The following NXPE3 variants were observed in gnomAD, a reference collection of about 807,000 sequenced individuals.
The protein encoded by NXPE3 is neurexophilin and PC-esterase domain family member 3.
A neutral mutation model predicts 46.1 loss-of-function variants in NXPE3; 26 were observed. The ratio of observed to expected loss-of-function variants is 0.56; its 90% CI spans 0.41 to 0.78. The LOEUF (loss-of-function observed/expected upper bound fraction) is 0.78, where lower values mean the gene tolerates loss of function less well. Among genes scored for constraint, NXPE3 ranks in the 30% least tolerant of loss-of-function variants. The pLI is 0.00. For missense variants in NXPE3, 620 were observed against 686.0 expected (o/e 0.90, Z 1.07); for synonymous variants, 272 against 257.9 (o/e 1.05, Z -0.52).
Position 101,822,047 on chromosome 3 carries a change from T to C in NXPE3, c.*93T>C. The C allele has an allele frequency of 9.1e-7, 1 of 1,096,832 alleles. No individual in the cohort carries two copies. The highest frequency in any genetic ancestry group is 2.4e-5 in the East Asian group (1 of 41,796). The allele number at this position is 1,096,832 out of a possible 1,614,324, so 67.9% of individuals were successfully genotyped here. On this transcript the variant is annotated 3_prime_UTR_variant, in exon 8 of 8. Coordinates refer to ENST00000273347, the MANE Select transcript of NXPE3 (RefSeq NM_145037.4). ...TGGCCCCAGTGAGAGATGACTGCCC[T>C]TAATAAGTATAAAATTTCAAAAAGA...
At position 101,827,033 on chromosome 3, in the gene NXPE3, C is replaced by CAATAAATA. The variant is rs911016648; in HGVS notation, c.*5094_*5101dup. On this transcript the variant is annotated 3_prime_UTR_variant, in exon 8 of 8. Coordinates refer to ENST00000273347, the MANE Select transcript of NXPE3 (RefSeq NM_145037.4). ...GGGCAACGAGAGTGAAACTCTGTCTCAATAAATAAATAAATAAATAAAAAA... is the reference window on the plus strand; with the variant it reads ...GGGCAACGAGAGTGAAACTCTGTCTCAATAAATAAATAAATAAATAAATAAATAAAAAA... 2 of 151,678 alleles carry CAATAAATA rather than the reference C, an allele frequency of 1.3e-5. No individual in the cohort carries two copies. The highest frequency in any genetic ancestry group is 2.9e-5 in the Non-Finnish European group (2 of 67,960). The allele number at this position is 151,678 out of a possible 1,614,324, so 9.4% of individuals were successfully genotyped here.
At chr3:101,802,075 A>T in intron 5 of NXPE3, 86 bp downstream of exon 5, 3 of 1,327,076 alleles carry the variant, frequency 2.3e-6, no homozygotes, top group Non-Finnish European at 3.1e-6. Context: ...GGTATTCGGT[A>T]TGTGTTTCTT....
At chr3:101,804,983 A>G (rs939236847) in intron 5 of NXPE3, among the ~76,000 whole-genome samples, 12 of 152,250 alleles carry the variant, frequency 7.9e-5, no homozygotes, top group Admixed American at 2.6e-4. Context: ...CATTGCAGGA[A>G]TAATAACAAT....
At chr3:101,808,830 T>TATATATATA (rs1941560342) in intron 6 of NXPE3, among the ~76,000 whole-genome samples, 1 of 104,272 alleles carries the variant, frequency 9.6e-6, no homozygotes, top group African/African-American at 4.1e-5. Flanking sequence ...TATATATATA[T>TATATATATA]ATATATATAT....
At chr3:101,819,228 A>G (rs1178750151) in intron 7 of NXPE3, among the ~76,000 whole-genome samples, 2 of 152,204 alleles carry the variant, frequency 1.3e-5, no homozygotes, top group Admixed American at 6.5e-5. Flanking sequence ...TGGATTGTCA[A>G]CATTTACTTA....
At chr3:101,793,960 C>G (rs1431333377) in intron 4 of NXPE3, among the ~76,000 whole-genome samples, 1 of 152,040 alleles carries the variant, frequency 6.6e-6, no homozygotes, top group Non-Finnish European at 1.5e-5. Flanking sequence ...CGGGGCTCCT[C>G]TTCCTGTGCT....
chr3:101,819,099 A>G (rs2107355454), intron 7 of NXPE3, among the ~76,000 whole-genome samples: 1 of 152,130 alleles, frequency 6.6e-6, no homozygotes, highest in East Asian at 1.9e-4. Context: ...TACTTTTTCA[A>G]AATTGACCGT....
At position 101,827,476 on chromosome 3, in the gene NXPE3, A is replaced by G. The variant is rs1942544031; in HGVS notation, c.*5522A>G. 6.6e-6 allele frequency: 1 copy of G among 152,140 alleles called. No individual in the cohort carries two copies. Among genetic ancestry groups the G allele is most frequent in the South Asian group, 2.1e-4 (1 of 4,826 alleles). 9.4% of individuals were successfully genotyped at this position (152,140 alleles called of 1,614,324 possible). A position where few individuals can be genotyped will look rare whatever the true frequency, so the allele number is the denominator to read the frequency against. ...CACATGATTGCGATACTACTTTTTG[A>G]TTGCCGTATTGTAAAAGCTATATGG... On this transcript the variant is annotated 3_prime_UTR_variant, in exon 8 of 8. Transcript: ENST00000273347.
chr3:101,821,797 T>G lies in NXPE3; in HGVS notation c.1523T>G (p.Ile508Ser). ...SDWYNFQLDT[I>S]LRRMFSGVGV... is the part of the protein sequence containing the mutation. ...TGGTACAACTTTCAGCTGGACACCA[T>G]CCTTCGGAGGATGTTCTCAGGGGTT... Residue 508 changes from isoleucine to serine, a missense_variant, in exon 8 of 8, where the codon ATC becomes AGC. By Grantham distance (142) the Ile-to-Ser change is moderately radical. Transcript: ENST00000273347. The G allele has an allele frequency of 3.7e-6, 6 of 1,614,146 alleles. No homozygotes were observed. The highest frequency in any genetic ancestry group is 5.1e-6 in the Non-Finnish European group (6 of 1,180,018).
In NXPE3 at chr3:101,823,422, T is replaced by C. The variant is rs1942345104; in HGVS notation, c.*1468T>C. ...ATATATTAAAATAGTTTAATTTTAATGGTCCTTACGCTTTACAGTACCTAA... is the reference window on the plus strand; with the variant it reads ...ATATATTAAAATAGTTTAATTTTAACGGTCCTTACGCTTTACAGTACCTAA... On this transcript the variant is annotated 3_prime_UTR_variant, in exon 8 of 8. Transcript: ENST00000273347. 2 of 152,196 alleles carry C rather than the reference T, an allele frequency of 1.3e-5. No homozygotes were observed. The highest frequency in any genetic ancestry group is 4.8e-5 in the African/African-American group (2 of 41,422). The allele number at this position is 152,196 out of a possible 1,614,324, so 9.4% of individuals were successfully genotyped here.
chr3:101,781,908 T>C (rs1271470311), intron 1 of NXPE3: 1 of 152,228 alleles, frequency 6.6e-6, no homozygotes, highest in Non-Finnish European at 1.5e-5. Context: ...ATTTACCATG[T>C]TGAAGTTCAT....
Position 101,783,060 on chromosome 3 carries a change from A to G in NXPE3, c.-196+280A>G, listed in dbSNP as rs553022654. Among the ~76,000 whole-genome samples, 7 of 152,108 alleles carry G rather than the reference A, an allele frequency of 4.6e-5. No individual in the cohort carries two copies. In the East Asian group the frequency reaches 9.7e-4, roughly 21 times the overall value. Reference sequence around the variant, plus strand: ...GTGACAACTATTAAAATTTTAATATATATCTTTTCTTTTTTTTTTGAGACG... The same window carrying G: ...GTGACAACTATTAAAATTTTAATATGTATCTTTTCTTTTTTTTTTGAGACG... On this transcript the variant is annotated intron_variant, in intron 3 of 7. Coordinates refer to ENST00000273347, the MANE Select transcript of NXPE3 (RefSeq NM_145037.4).
At chr3:101,808,610 T>G (rs945349393) in intron 6 of NXPE3, among the ~76,000 whole-genome samples, 1 of 151,814 alleles carries the variant, frequency 6.6e-6, no homozygotes, top group Non-Finnish European at 1.5e-5. Context: ...AACTGTGATA[T>G]CTCCATATTT....
At chr3:101,819,360 A>G (rs999515250) in intron 7 of NXPE3, among the ~76,000 whole-genome samples, 2 of 152,200 alleles carry the variant, frequency 1.3e-5, no homozygotes, top group African/African-American at 4.8e-5. Context: ...GATTCCTGGG[A>G]CCTTCAGAAT....
intron 3 of NXPE3, among the ~76,000 whole-genome samples, chr3:101,783,846 A>G (rs981191542): frequency 6.6e-6 from 1 of 152,072 alleles, no homozygotes; most frequent in Non-Finnish European, 1.5e-5. Flanking sequence ...GTTATCCTCT[A>G]TTTTACAGCC....
At chr3:101,795,565 C>G (rs980638485) in intron 4 of NXPE3, among the ~76,000 whole-genome samples, 4 of 149,258 alleles carry the variant, frequency 2.7e-5, no homozygotes, top group Middle Eastern at 3.3e-3. Context: ...GTATTTGTAA[C>G]AATATCTAGC....
At chr3:101,780,505 CT>C (rs1939752639) in intron 1 of NXPE3, among the ~76,000 whole-genome samples, 1 of 152,142 alleles carries the variant, frequency 6.6e-6, no homozygotes, top group African/African-American at 2.4e-5. Flanking sequence ...ATAACAGTCC[CT>C]GGCCACTCTA....
chr3:101,786,164 T>C (rs1184673845), intron 4 of NXPE3, among the ~76,000 whole-genome samples: 4 of 152,154 alleles, frequency 2.6e-5, no homozygotes, highest in African/African-American at 9.7e-5. Flanking sequence ...TCAGGGACCA[T>C]GTCTTACTGA....
intron 6 of NXPE3, among the ~76,000 whole-genome samples, chr3:101,815,910 C>T (rs944377357): frequency 3.3e-5 from 5 of 152,064 alleles, no homozygotes; most frequent in African/African-American, 1.2e-4. Context: ...GCAGGAGAAT[C>T]GCTTGAACCC....
Sources: gnomAD v4.1 joint callset for allele counts (sites outside exome capture counted in the v4.1 genomes callset) on GRCh38, gnomAD v4.1.1 for gene constraint, MANE v1.5 for transcripts, NCBI Gene and HGNC (gene_info 2026-07-23, HGNC 2026-07-21) for gene names.